The following ERC2 variants were observed in gnomAD, a reference collection of about 807,000 sequenced individuals.
ERC2 encodes ELKS/RAB6-interacting/CAST family member 2.
In ERC2, 42 loss-of-function variants were observed where a neutral mutation model predicts 114.8. The observed-to-expected ratio is 0.37, with a 90% CI of 0.29 to 0.47. The LOEUF is 0.47. ERC2 is among the 20% of genes least tolerant of loss of function. The probability of loss-of-function intolerance (pLI) is 0.99; values close to 1 mark genes in which losing one functional copy is unlikely to be tolerated. For synonymous variants in ERC2, 454 were observed against 425.5 expected (o/e 1.07, Z -0.82); for missense variants, 939 against 1,150.7 (o/e 0.82, Z 2.66).
At chr3:56,326,652 C>T (rs541402983) in intron 2 of ERC2, among the ~76,000 whole-genome samples, 2 of 152,334 alleles carry the variant, frequency 1.3e-5, no homozygotes, top group African/African-American at 4.8e-5. Flanking sequence ...CTTCTGCTGC[C>T]TTTGGCCATT....
chr3:56,061,008 C>T (rs2149706802), intron 7 of ERC2, among the ~76,000 whole-genome samples: 1 of 152,272 alleles, frequency 6.6e-6, no homozygotes, highest in Non-Finnish European at 1.5e-5. Flanking sequence ...AGTCAGTAAC[C>T]TCCACTTGCC....
intron 4 of ERC2, among the ~76,000 whole-genome samples, chr3:56,162,507 C>T (rs1040082574): frequency 6.6e-6 from 1 of 152,168 alleles, no homozygotes; most frequent in Non-Finnish European, 1.5e-5. Context: ...CCATCCAGTT[C>T]AAGGCTTTTT....
rs1458429503 is a variant in ERC2 at position 55,787,527 on chromosome 3, G to A, written c.2565-52609C>T. Among the ~76,000 whole-genome samples, 3 of 152,126 alleles carry A rather than the reference G, an allele frequency of 2.0e-5. No individual in the cohort carries two copies. In the East Asian group the frequency reaches 5.8e-4, roughly 29 times the overall value. On this transcript the variant is annotated intron_variant, in intron 14 of 17. Coordinates refer to ENST00000288221, the MANE Select transcript of ERC2 (RefSeq NM_015576.3). ...CCATTCAGATACAGGGCTAGACATG[G>A]CATCTCAATTATTTCTTATATGGCA...
intron 3 of ERC2, among the ~76,000 whole-genome samples, chr3:56,187,494 A>G (rs2083696158): frequency 6.6e-6 from 1 of 152,170 alleles, no homozygotes; most frequent in African/African-American, 2.4e-5. Flanking sequence ...TTAGCAGTAT[A>G]AGCCTTCAAG....
At chr3:56,204,860 T>C (rs1048889709) in intron 3 of ERC2, among the ~76,000 whole-genome samples, 3 of 150,826 alleles carry the variant, frequency 2.0e-5, no homozygotes, top group African/African-American at 7.3e-5. Context: ...AGATACAAGA[T>C]TGTCCCCAAA....
At chr3:56,404,577 T>C (rs1289187321) in intron 2 of ERC2, among the ~76,000 whole-genome samples, 1 of 152,170 alleles carries the variant, frequency 6.6e-6, no homozygotes, top group African/African-American at 2.4e-5. Flanking sequence ...AGAGTATAAT[T>C]AGATTGTAAC....
intron 14 of ERC2, among the ~76,000 whole-genome samples, chr3:55,875,697 C>CACAT (rs2062799171): frequency 1.4e-5 from 2 of 144,728 alleles, no homozygotes; most frequent in Admixed American, 1.4e-4. Flanking sequence ...CATTCACACA[C>CACAT]ACACACACAC....
chr3:55,819,440 A>G (rs897291625), intron 14 of ERC2, among the ~76,000 whole-genome samples: 3 of 152,236 alleles, frequency 2.0e-5, no homozygotes, highest in Non-Finnish European at 4.4e-5. Context: ...ACTCCTCTAT[A>G]AATAACTTTA....
intron 2 of ERC2, among the ~76,000 whole-genome samples, chr3:56,328,318 T>C (rs1446456927): frequency 6.6e-6 from 1 of 152,188 alleles, no homozygotes; most frequent in Non-Finnish European, 1.5e-5. Flanking sequence ...TGAACTTTCT[T>C]CCACTTTCAA....
At chr3:56,157,978 G>A (rs999314411) in intron 4 of ERC2, among the ~76,000 whole-genome samples, 11 of 152,172 alleles carry the variant, frequency 7.2e-5, no homozygotes, top group African/African-American at 1.7e-4. Flanking sequence ...CTAAATAAAC[G>A]GTAGGCTGGG....
chr3:56,248,251 C>A (rs2051858548), intron 3 of ERC2, among the ~76,000 whole-genome samples: 1 of 152,042 alleles, frequency 6.6e-6, no homozygotes, highest in South Asian at 2.1e-4. Flanking sequence ...CACCACCATG[C>A]CCAGGTAATT....
intron 12 of ERC2, among the ~76,000 whole-genome samples, chr3:55,979,817 G>C (rs2069928045): frequency 6.6e-6 from 1 of 152,020 alleles, no homozygotes; most frequent in African/African-American, 2.4e-5. Context: ...ATGGTGGTAG[G>C]CCTGTAGTTC....
At chr3:55,834,691 A>G (rs563290250) in intron 14 of ERC2, among the ~76,000 whole-genome samples, 7 of 148,892 alleles carry the variant, frequency 4.7e-5, no homozygotes, top group Admixed American at 4.0e-4. Flanking sequence ...TAACATCACA[A>G]TTAAAAGAAC....
intron 3 of ERC2, among the ~76,000 whole-genome samples, chr3:56,267,316 G>A (rs1307439863): frequency 1.3e-5 from 2 of 152,174 alleles, no homozygotes; most frequent in African/African-American, 4.8e-5. Flanking sequence ...TTGGGTCAAC[G>A]TGGGTGAAGC....
At chr3:56,446,819 G>A (rs957048321) in intron 1 of ERC2, among the ~76,000 whole-genome samples, 4 of 151,214 alleles carry the variant, frequency 2.6e-5, no homozygotes, top group East Asian at 2.0e-4. Flanking sequence ...TAGGGACAGA[G>A]TTTCACCATG....
At chr3:55,592,858 C>T (rs1362743609) in intron 17 of ERC2, among the ~76,000 whole-genome samples, 3 of 152,200 alleles carry the variant, frequency 2.0e-5, no homozygotes, top group Admixed American at 6.5e-5. Context: ...AGCTGATATT[C>T]TATTCTTAGA....
At chr3:55,825,347 T>C (rs1434140116) in intron 14 of ERC2, among the ~76,000 whole-genome samples, 4 of 152,252 alleles carry the variant, frequency 2.6e-5, no homozygotes, top group Admixed American at 2.0e-4. Context: ...AACGGTTATA[T>C]GGTCAAAGTA....
intron 17 of ERC2, among the ~76,000 whole-genome samples, chr3:55,515,204 C>T (rs186634231): frequency 6.6e-6 from 1 of 152,166 alleles, no homozygotes; most frequent in African/African-American, 2.4e-5. Context: ...TGTCCGTCCA[C>T]AACTTTTCAG....
At chr3:55,618,680 G>A (rs1237453809) in intron 17 of ERC2, among the ~76,000 whole-genome samples, 4 of 152,322 alleles carry the variant, frequency 2.6e-5, no homozygotes, top group South Asian at 2.1e-4. Context: ...CAAAATGTTA[G>A]TATTTCTGGA....
Sources: gnomAD v4.1 joint callset for allele counts (sites outside exome capture counted in the v4.1 genomes callset) on GRCh38, gnomAD v4.1.1 for gene constraint, MANE v1.5 for transcripts, NCBI Gene and HGNC (gene_info 2026-07-23, HGNC 2026-07-21) for gene names.